DNAH12: variants seen among roughly 807,000 people sequenced by gnomAD.
DNAH12 encodes the protein axonemal beta dynein heavy chain 12.
In DNAH12, 285 loss-of-function variants were observed where a neutral mutation model predicts 371.5. That is an observed-to-expected ratio of 0.77 (90% confidence interval 0.70 to 0.85). The LOEUF is 0.85. Ranked by LOEUF, DNAH12 falls within the 40% of genes least tolerant of loss-of-function variation. DNAH12 has a pLI of 0.00. For synonymous variants in DNAH12, 1,200 were observed against 1,213.0 expected, an observed-to-expected ratio of 0.99 and a Z score of 0.22; for missense variants, 3,611 against 3,689.4, an observed-to-expected ratio of 0.98 and a Z score of 0.55.
intron 36 of DNAH12, 24 bp from the exon 37 acceptor site, chr3:57,419,542 A>T: frequency 7.1e-7 from 1 of 1,409,828 alleles, no homozygotes; most frequent in Non-Finnish European, 9.3e-7. Context: ...TAAGTTTTAA[A>T]ATATTAAAAC....
intron 4 of DNAH12, among the ~76,000 whole-genome samples, chr3:57,518,315 A>T (rs568270864): frequency 1.1e-4 from 16 of 152,330 alleles, no homozygotes; most frequent in African/African-American, 3.8e-4. Context: ...ACTGGAGGTC[A>T]GGAGTTTGAG....
At chr3:57,404,084 C>A (rs2063951754) in intron 42 of DNAH12, among the ~76,000 whole-genome samples, 1 of 152,136 alleles carries the variant, frequency 6.6e-6, no homozygotes, top group African/African-American at 2.4e-5. Flanking sequence ...TATACTATGA[C>A]ATGATAATCC....
intron 65 of DNAH12, among the ~76,000 whole-genome samples, chr3:57,321,786 G>T (rs971368805): frequency 6.6e-6 from 1 of 152,066 alleles, no homozygotes; most frequent in Non-Finnish European, 1.5e-5. Context: ...ACTTTTCCCT[G>T]TTTCTCAATT....
chr3:57,356,581 T>C (rs1575497005), intron 59 of DNAH12, among the ~76,000 whole-genome samples: 3 of 151,958 alleles, frequency 2.0e-5, no homozygotes, highest in African/African-American at 2.4e-5. Flanking sequence ...AAATAAATCA[T>C]GTGCCTGCCT....
chr3:57,315,443 T>G (rs2061665522), intron 65 of DNAH12, among the ~76,000 whole-genome samples: 1 of 150,174 alleles, frequency 6.7e-6, no homozygotes, highest in Non-Finnish European at 1.5e-5. Context: ...GGTGAAACAT[T>G]TCATAGGGGA....
intron 7 of DNAH12, 88 bp from the exon 8 acceptor site, chr3:57,507,926 C>A (rs2067825016): frequency 8.3e-7 from 1 of 1,204,280 alleles, no homozygotes; most frequent in African/African-American, 1.6e-5. Context: ...CGGTGGTTCA[C>A]ACCTGTAATC....
intron 2 of DNAH12, among the ~76,000 whole-genome samples, chr3:57,528,659 G>A (rs1454194635): frequency 6.7e-6 from 1 of 150,290 alleles, no homozygotes; most frequent in Non-Finnish European, 1.5e-5. Context: ...CCGGGAGGCG[G>A]AGGTTGCGGT....
At chr3:57,429,993 C>T (rs964922230) in intron 32 of DNAH12, among the ~76,000 whole-genome samples, 1 of 152,016 alleles carries the variant, frequency 6.6e-6, no homozygotes, top group Non-Finnish European at 1.5e-5. Flanking sequence ...ATCTATAAAA[C>T]AGGGATAATA....
At chr3:57,415,315 G>A (rs1039292477) in intron 38 of DNAH12, 111 bp downstream of exon 38, 2 of 1,380,748 alleles carry the variant, frequency 1.4e-6, no homozygotes, top group Non-Finnish European at 1.9e-6. Flanking sequence ...ACATTTGAAA[G>A]TTTTAAATTC....
In DNAH12 at chr3:57,419,499, C is replaced by T; in HGVS notation, c.5582G>A (p.Trp1861Ter). The change falls in exon 37 of 74, where the codon TGG (tryptophan) becomes TAG (stop). Residue 1861 changes from tryptophan (W) to a stop codon, truncating the protein, a stop_gained. Transcript: ENST00000495027. LOFTEE classifies it high-confidence loss of function. ...YMYELKNKGR[W>*]VHWNELIKNT... ...TTTAATTAATTCATTCCAATGGACC[C>T]AGCGACCTTTGTTTTTCAACTACAA... 1 of 1,439,708 alleles carries T rather than the reference C, an allele frequency of 6.9e-7. No homozygotes were observed. Among genetic ancestry groups the T allele is most frequent in the Non-Finnish European group, 9.1e-7 (1 of 1,097,792 alleles). The allele number at this position is 1,439,708 out of a possible 1,614,324, so 89.2% of individuals were successfully genotyped here.
At chr3:57,544,801 G>A (rs1466308185), upstream of DNAH12, among the ~76,000 whole-genome samples, 1 of 152,098 alleles carries the variant, frequency 6.6e-6, no homozygotes, top group Non-Finnish European at 1.5e-5. Flanking sequence ...TGAATTTAGT[G>A]GTATGCTGGG....
At chr3:57,550,964 C>T in the DNAH12 span, among the ~76,000 whole-genome samples, 1 of 150,628 alleles carries the variant, frequency 6.6e-6, no homozygotes, top group African/African-American at 2.4e-5. Context: ...CTGCAAGCTC[C>T]GCTTCCTGGG....
intron 34 of DNAH12, 167 bp downstream of exon 34, chr3:57,428,466 T>G (rs753939129): frequency 7.8e-6 from 12 of 1,535,198 alleles, no homozygotes; most frequent in Non-Finnish European, 1.1e-5. Flanking sequence ...ATTCAACCCC[T>G]GAGTTATGCA....
Position 57,295,527 on chromosome 3 carries a change from G to A in DNAH12, c.11690C>T (p.Pro3897Leu), listed in dbSNP as rs1430685582. Residue 3897 changes from proline to leucine, a missense_variant and splice_region_variant, in exon 73 of 74, where the codon CCA becomes CTA. Around this residue, in one of 3 missense-constraint regions of DNAH12, gnomAD observed 2,266 missense variants for 2,236.9 expected, o/e 1.01. Transcript: ENST00000495027. ...FDLMPIIWIK[P>L]TQKSRIIKSD... ...AATTTTGTTGAGAGAATATTTACTT[G>A]GTTTTATCCATATGATGGGCATCAG... The A allele has an allele frequency of 1.3e-6, 2 of 1,546,440 alleles. No individual in the cohort carries two copies. Among genetic ancestry groups the A allele is most frequent in the South Asian group, 2.4e-5 (2 of 82,880 alleles).
intron 4 of DNAH12, 88 bp from the exon 5 acceptor site, chr3:57,511,067 T>G: frequency 2.2e-6 from 2 of 917,152 alleles, no homozygotes; most frequent in Non-Finnish European, 3.0e-6. Flanking sequence ...GACAACATTT[T>G]TTCAGATTAA....
Position 57,508,446 on chromosome 3 carries a change from T to C in DNAH12, c.637A>G (p.Met213Val). The C allele has an allele frequency of 6.2e-7, 1 of 1,613,250 alleles. No individual in the cohort carries two copies. Among genetic ancestry groups the C allele is most frequent in the Non-Finnish European group, 8.5e-7 (1 of 1,179,826 alleles). Residue 213 changes from methionine to valine, a missense_variant, in exon 7 of 74, where the codon ATG becomes GTG. By Grantham distance (21) the Met-to-Val change is conservative. Around this residue, in one of 3 missense-constraint regions of DNAH12, gnomAD observed 1,314 missense variants for 1,398.7 expected, o/e 0.94. Coordinates refer to ENST00000495027, the MANE Select transcript of DNAH12 (RefSeq NM_001366028.2). ...NLHIIHPTMK[M>V]LLDLGYTTFA... ...GTTGTATAACCAAGGTCCAGTAACA[T>C]TTTCATAGTTGGATGAATAATGTGC... is the stretch of plus-strand genomic sequence containing the variant.
chr3:57,419,577 C>G (rs2064500212), intron 36 of DNAH12, 59 bp from the exon 37 acceptor site: 1 of 1,235,436 alleles, frequency 8.1e-7, no homozygotes, highest in Non-Finnish European at 1.1e-6. Context: ...ATCTGAAAGG[C>G]TCTTTTCAAC....
intron 43 of DNAH12, among the ~76,000 whole-genome samples, chr3:57,400,451 C>G (rs2063833799): frequency 6.6e-6 from 1 of 152,130 alleles, no homozygotes. Flanking sequence ...CAGTAGTCCC[C>G]CCTTATCCAT....
chr3:57,432,740 A>G (rs1192192754), intron 32 of DNAH12, among the ~76,000 whole-genome samples: 1 of 149,964 alleles, frequency 6.7e-6, no homozygotes, highest in Non-Finnish European at 1.5e-5. Context: ...AAGAGTGATT[A>G]TCTCTGGAGG....
Sources: allele counts gnomAD v4.1 joint callset (sites outside exome capture counted in the v4.1 genomes callset), GRCh38; gene constraint gnomAD v4.1.1; regional missense constraint gnomAD v4.1.1; transcripts MANE v1.5; gene names NCBI Gene and HGNC (gene_info 2026-07-23, HGNC 2026-07-21).